Variants in KIAA1328 observed in about 807,000 individuals in gnomAD.
KIAA1328 encodes protein hinderin.
A neutral mutation model predicts 68.1 loss-of-function variants in KIAA1328; 52 were observed. The ratio of observed to expected loss-of-function variants is 0.76; its 90% CI spans 0.61 to 0.96. The LOEUF (loss-of-function observed/expected upper bound fraction) is 0.96, where lower values mean the gene tolerates loss of function less well. Among genes scored for constraint, KIAA1328 ranks in the 40% least tolerant of loss-of-function variants. The probability of loss-of-function intolerance (pLI) is 0.00; values close to 1 mark genes in which losing one functional copy is unlikely to be tolerated. For missense variants in KIAA1328, 641 were observed against 677.6 expected, an observed-to-expected ratio of 0.95 and a Z score of 0.60; for synonymous variants, 232 against 239.4, an observed-to-expected ratio of 0.97 and a Z score of 0.28.
intron 5 of KIAA1328, among the ~76,000 whole-genome samples, chr18:36,917,630 A>T (rs930330401): frequency 6.6e-6 from 1 of 152,160 alleles, no homozygotes; most frequent in Non-Finnish European, 1.5e-5. Context: ...TTTAGTCCTA[A>T]CTGAGCTGCC....
chr18:37,080,437 C>G (rs1326039811), intron 7 of KIAA1328, among the ~76,000 whole-genome samples: 1 of 152,108 alleles, frequency 6.6e-6, no homozygotes, highest in Non-Finnish European at 1.5e-5. Flanking sequence ...GAAATATATC[C>G]AAACCATCAG....
In KIAA1328 at chr18:36,990,892, T is replaced by G. The variant is rs186808477; in HGVS notation, c.576+31457T>G. On this transcript the variant is annotated intron_variant, in intron 6 of 9. Coordinates refer to ENST00000280020, the MANE Select transcript of KIAA1328 (RefSeq NM_020776.3). Reference sequence around the variant, plus strand: ...TTGAGAGAAAAAGTCACTTGTACATTTATAACATATTAGTAATGAGAATGG... The same window carrying G: ...TTGAGAGAAAAAGTCACTTGTACATGTATAACATATTAGTAATGAGAATGG... Among the ~76,000 whole-genome samples the G allele has an allele frequency of 7.9e-4, 120 of 152,230 alleles. 1 individual carries two copies. The South Asian group carries it at 9.3e-3, about 12-fold the overall frequency.
At chr18:37,174,112 G>A (rs887108883) in intron 9 of KIAA1328, among the ~76,000 whole-genome samples, 2 of 152,108 alleles carry the variant, frequency 1.3e-5, no homozygotes, top group African/African-American at 2.4e-5. Context: ...CCCTTTATAT[G>A]CATTGTCTAA....
intron 4 of KIAA1328, among the ~76,000 whole-genome samples, chr18:36,856,065 T>C (rs2047373858): frequency 6.6e-6 from 1 of 152,128 alleles, no homozygotes; most frequent in South Asian, 2.1e-4. Flanking sequence ...TTATTGAAGA[T>C]TCCTTGTGTA....
intron 7 of KIAA1328, among the ~76,000 whole-genome samples, chr18:37,080,605 T>C (rs989323378): frequency 1.3e-5 from 2 of 151,752 alleles, no homozygotes; most frequent in Non-Finnish European, 2.9e-5. Context: ...TGATACCCCA[T>C]CTCTACTAAA....
At chr18:36,963,609 CT>C (rs201631485) in intron 6 of KIAA1328, among the ~76,000 whole-genome samples, 4,594 of 152,202 alleles carry the variant, frequency 0.03, 236 homozygotes, top group African/African-American at 0.11. Context: ...CCCAATAAGG[CT>C]ACTTCCTTGC....
chr18:37,176,829 A>C (rs1425484629), intron 9 of KIAA1328, among the ~76,000 whole-genome samples: 4 of 152,260 alleles, frequency 2.6e-5, no homozygotes, highest in Admixed American at 2.6e-4. Context: ...TTTGCTTCTC[A>C]AATGAATGTG....
chr18:36,995,322 G>A (rs966827272), intron 6 of KIAA1328, among the ~76,000 whole-genome samples: 2 of 152,134 alleles, frequency 1.3e-5, no homozygotes, highest in Non-Finnish European at 2.9e-5. Context: ...ATTCCATGGA[G>A]TATATGTGCC....
chr18:36,908,579 C>G (rs1211415842), intron 5 of KIAA1328, among the ~76,000 whole-genome samples: 1 of 152,134 alleles, frequency 6.6e-6, no homozygotes, highest in African/African-American at 2.4e-5. Flanking sequence ...TGAGCTCAAG[C>G]AGTATCCCCT....
At chr18:37,028,079 T>G (rs981874726) in intron 6 of KIAA1328, among the ~76,000 whole-genome samples, 7 of 152,116 alleles carry the variant, frequency 4.6e-5, no homozygotes, top group Admixed American at 4.6e-4. Flanking sequence ...AAGAAGACAT[T>G]TATGCAGCCA....
At chr18:37,022,464 A>G (rs2054385233) in intron 6 of KIAA1328, among the ~76,000 whole-genome samples, 1 of 152,190 alleles carries the variant, frequency 6.6e-6, no homozygotes, top group Non-Finnish European at 1.5e-5. Flanking sequence ...GGAGACCTAC[A>G]TGATCCTTTT....
chr18:37,223,168 C>A lies in KIAA1328; in HGVS notation c.*941C>A. The A allele has an allele frequency of 1.0e-6, 1 of 984,510 alleles. No individual in the cohort carries two copies. The allele number at this position is 984,510 out of a possible 1,614,324, so 61.0% of individuals were successfully genotyped here. Reference sequence around the variant, plus strand: ...TGCAAAGCTGATGGGCTTCCTCTGGCCCTCCCTTTTCCTCCACGAGGATTA... The same window carrying A: ...TGCAAAGCTGATGGGCTTCCTCTGGACCTCCCTTTTCCTCCACGAGGATTA... On this transcript the variant is annotated 3_prime_UTR_variant, in exon 10 of 10. Coordinates refer to ENST00000280020, the MANE Select transcript of KIAA1328 (RefSeq NM_020776.3).
intron 9 of KIAA1328, among the ~76,000 whole-genome samples, chr18:37,219,471 G>A (rs904636550): frequency 4.6e-5 from 7 of 152,160 alleles, no homozygotes; most frequent in African/African-American, 1.4e-4. Flanking sequence ...GTTGACCTGC[G>A]GTGGGCTCCA....
At chr18:37,181,819 C>T (rs1294752504) in intron 9 of KIAA1328, among the ~76,000 whole-genome samples, 1 of 152,098 alleles carries the variant, frequency 6.6e-6, no homozygotes, top group East Asian at 1.9e-4. Flanking sequence ...TTTTACTTTT[C>T]ACATGATTTT....
At chr18:37,089,190 G>A (rs1485121525) in intron 7 of KIAA1328, among the ~76,000 whole-genome samples, 1 of 151,976 alleles carries the variant, frequency 6.6e-6, no homozygotes, top group Admixed American at 6.6e-5. Flanking sequence ...TTGAGGTAGG[G>A]AGGATAGGTC....
intron 9 of KIAA1328, among the ~76,000 whole-genome samples, chr18:37,206,799 T>C (rs765535901): frequency 6.6e-6 from 1 of 152,170 alleles, no homozygotes; most frequent in South Asian, 2.1e-4. Context: ...ATTTAAGCCA[T>C]TGAGGAAAAT....
intron 7 of KIAA1328, among the ~76,000 whole-genome samples, chr18:37,100,918 G>A (rs2057592900): frequency 6.6e-6 from 1 of 152,200 alleles, no homozygotes; most frequent in South Asian, 2.1e-4. Context: ...AGGGTCTGGA[G>A]TGGACCTCTA....
intron 5 of KIAA1328, among the ~76,000 whole-genome samples, chr18:36,949,608 C>G (rs188384901): frequency 2.8e-5 from 3 of 106,214 alleles, no homozygotes; most frequent in African/African-American, 1.1e-4. Flanking sequence ...CCCCCCCCCC[C>G]ACCCCCCGAT....
intron 3 of KIAA1328, among the ~76,000 whole-genome samples, chr18:36,836,927 T>G (rs1236116943): frequency 6.6e-6 from 1 of 152,164 alleles, no homozygotes; most frequent in Non-Finnish European, 1.5e-5. Context: ...TTTAGCATAA[T>G]GATTTCAAGG....
Sources: allele counts gnomAD v4.1 joint callset (sites outside exome capture counted in the v4.1 genomes callset), GRCh38; gene constraint gnomAD v4.1.1; transcripts MANE v1.5; gene names NCBI Gene and HGNC (gene_info 2026-07-23, HGNC 2026-07-21).